The following FLT1 variants were observed in gnomAD, a reference collection of about 807,000 sequenced individuals.
FLT1 encodes vascular endothelial growth factor receptor 1.
A neutral mutation model predicts 156.3 loss-of-function variants in FLT1; 49 were observed. That is an observed-to-expected ratio of 0.31 (90% confidence interval 0.25 to 0.40). The LOEUF is 0.40. Among genes scored for constraint, FLT1 ranks in the 10% least tolerant of loss-of-function variants. FLT1 has a pLI of 1.00. For missense variants in FLT1, 1,322 were observed against 1,637.2 expected, an observed-to-expected ratio of 0.81 and a Z score of 3.32; for synonymous variants, 594 against 583.8, an observed-to-expected ratio of 1.02 and a Z score of -0.25.
chr13:28,419,337 C>T (rs80030593), intron 10 of FLT1, among the ~76,000 whole-genome samples: 2 of 152,102 alleles, frequency 1.3e-5, no homozygotes, highest in Non-Finnish European at 2.9e-5. Context: ...ATGTAGATCC[C>T]CAGGCAGAAG....
intron 3 of FLT1, among the ~76,000 whole-genome samples, chr13:28,451,696 C>G (rs912798947): frequency 6.6e-6 from 1 of 152,158 alleles, no homozygotes; most frequent in Non-Finnish European, 1.5e-5. Context: ...CGGGCTGTGT[C>G]GAAGTGCTGC....
At position 28,300,552 on chromosome 13, in the gene FLT1, C is replaced by T. The variant is rs376621466; in HGVS notation, c.*2615G>A. The T allele has an allele frequency of 4.8e-6, 1 of 207,208 alleles. No homozygotes were observed. The highest frequency in any genetic ancestry group is 9.5e-6 in the Non-Finnish European group (1 of 104,980). The allele number at this position is 207,208 out of a possible 1,614,324, so 12.8% of individuals were successfully genotyped here. ...ACACACACACACACACACACACACA[C>T]ACACATACAGTTACACCACTGTCGG... On this transcript the variant is annotated 3_prime_UTR_variant, in exon 30 of 30. Transcript: ENST00000282397.
At chr13:28,448,917 T>C (rs1878766164) in intron 3 of FLT1, among the ~76,000 whole-genome samples, 3 of 152,270 alleles carry the variant, frequency 2.0e-5, no homozygotes, top group African/African-American at 4.8e-5. Context: ...CCCATTCCCC[T>C]CCTGCATCCA....
At position 28,368,557 on chromosome 13, in the gene FLT1, T is replaced by C. The variant is rs1183774211; in HGVS notation, c.2117-10872A>G. 1.9e-6 allele frequency: 3 copies of C among 1,539,586 alleles called. No individual in the cohort carries two copies. In the Admixed American group the frequency reaches 5.9e-5, roughly 30 times the overall value. ...ATGGTAGCTATGATGATGATGATGA[T>C]GATGATGATAATGATGATAGCTATG... On this transcript the variant is annotated intron_variant, in intron 14 of 29. Coordinates refer to ENST00000282397, the MANE Select transcript of FLT1 (RefSeq NM_002019.4).
At chr13:28,321,075 AAT>A (rs1871438724) in intron 23 of FLT1, among the ~76,000 whole-genome samples, 1 of 152,182 alleles carries the variant, frequency 6.6e-6, no homozygotes, top group African/African-American at 2.4e-5. Flanking sequence ...ACACCTGCTG[AAT>A]CAATCATCTG....
chr13:28,465,413 T>A (rs1411221403), intron 3 of FLT1, among the ~76,000 whole-genome samples: 2 of 152,184 alleles, frequency 1.3e-5, no homozygotes, highest in Non-Finnish European at 2.9e-5. Flanking sequence ...AAAATCAGGC[T>A]GATAGCAGCT....
At chr13:28,457,306 A>G (rs1162679979) in intron 3 of FLT1, among the ~76,000 whole-genome samples, 1 of 152,200 alleles carries the variant, frequency 6.6e-6, no homozygotes, top group African/African-American at 2.4e-5. Flanking sequence ...CCCAGCATGG[A>G]TTAAGACCCA....
rs556473765 is a variant in FLT1 at position 28,438,566 on chromosome 13, G to A, written c.389-221C>T. 2.0e-5 allele frequency among the ~76,000 whole-genome samples: 3 copies of A among 152,200 alleles called. No individual in the cohort carries two copies. In the South Asian group the frequency reaches 6.2e-4, roughly 32 times the overall value. ...AAACCTAATTTCATATCTGTTGTTG[G>A]CCTCTGATCAGATTGCCCCAATACC... On this transcript the variant is annotated intron_variant, in intron 3 of 29. Transcript: ENST00000282397.
At chr13:28,454,058 T>A (rs1879127824) in intron 3 of FLT1, among the ~76,000 whole-genome samples, 2 of 152,082 alleles carry the variant, frequency 1.3e-5, no homozygotes, top group South Asian at 4.1e-4. Flanking sequence ...AAGGGTGGAA[T>A]GTCCCAGGCA....
chr13:28,310,510 C>T (rs1010017684), intron 27 of FLT1, among the ~76,000 whole-genome samples: 3 of 152,176 alleles, frequency 2.0e-5, no homozygotes, highest in Non-Finnish European at 4.4e-5. Context: ...GGAGTTGATA[C>T]ATGGAAAAAG....
In FLT1 at chr13:28,317,577, C is replaced by T. The variant is rs779606481; in HGVS notation, c.3307G>A (p.Val1103Ile). 6.2e-7 allele frequency: 1 copy of T among 1,613,770 alleles called. No homozygotes were observed. The highest frequency in any genetic ancestry group is 8.5e-7 in the Non-Finnish European group (1 of 1,179,606). The part of the protein sequence containing the change: ...FSLGGSPYPG[V>I]QMDEDFCSRL... ...CTGCAAAAGTCCTCATCCATTTGTA[C>T]TCCTGGGTATGGAGACCCACCTGCG... is the stretch of plus-strand genomic sequence containing the variant. The change falls in exon 25 of 30, where the codon GTA becomes ATA. Residue 1103 changes from valine to isoleucine, a missense_variant. Val to Ile is a conservative substitution (Grantham distance 29). Transcript: ENST00000282397.
chr13:28,354,195 C>T (rs1341449943), intron 15 of FLT1, among the ~76,000 whole-genome samples: 1 of 152,192 alleles, frequency 6.6e-6, no homozygotes, highest in African/African-American at 2.4e-5. Context: ...GTACCGTATT[C>T]AGCTGTTGTG....
At chr13:28,369,361 C>T (rs1440024230) in intron 14 of FLT1, among the ~76,000 whole-genome samples, 1 of 152,042 alleles carries the variant, frequency 6.6e-6, no homozygotes, top group Non-Finnish European at 1.5e-5. Flanking sequence ...TCTGTCTCTA[C>T]TAAAACTACA....
chr13:28,463,761 A>G (rs920451932), intron 3 of FLT1, among the ~76,000 whole-genome samples: 1 of 152,236 alleles, frequency 6.6e-6, no homozygotes, highest in East Asian at 1.9e-4. Context: ...AGTGTTCGGT[A>G]ACAATGGAAG....
chr13:28,445,750 AAT>A (rs1423174891), intron 3 of FLT1, among the ~76,000 whole-genome samples: 1 of 152,214 alleles, frequency 6.6e-6, no homozygotes, highest in Non-Finnish European at 1.5e-5. Flanking sequence ...ATAAAGAACT[AAT>A]ACCAATTTTT....
chr13:28,326,425 C>G (rs113965882), intron 20 of FLT1, among the ~76,000 whole-genome samples: 5,441 of 151,400 alleles, frequency 0.036, 294 homozygotes, highest in Admixed American at 0.15. Flanking sequence ...CCCTGGACTT[C>G]TTCAGCTCAG....
chr13:28,461,555 A>C (rs945713694), intron 3 of FLT1, among the ~76,000 whole-genome samples: 5 of 152,202 alleles, frequency 3.3e-5, no homozygotes, highest in Admixed American at 6.5e-5. Flanking sequence ...GAGTTCATTG[A>C]ATCCTCCTCA....
chr13:28,456,163 G>C (rs1165564641), intron 3 of FLT1, among the ~76,000 whole-genome samples: 1 of 152,102 alleles, frequency 6.6e-6, no homozygotes, highest in East Asian at 1.9e-4. Flanking sequence ...CCCAAAACCT[G>C]CACATGGATG....
chr13:28,404,099 A>G (rs1875637466), intron 11 of FLT1, among the ~76,000 whole-genome samples: 1 of 152,158 alleles, frequency 6.6e-6, no homozygotes, highest in Non-Finnish European at 1.5e-5. Context: ...TCAAGTTTAT[A>G]TAACTTCCTC....
Sources: allele counts gnomAD v4.1 joint callset (sites outside exome capture counted in the v4.1 genomes callset), GRCh38; gene constraint gnomAD v4.1.1; transcripts MANE v1.5; gene names NCBI Gene and HGNC (gene_info 2026-07-23, HGNC 2026-07-21).